PEDS1: variants seen among roughly 807,000 people sequenced by gnomAD.
PEDS1 encodes plasmanylethanolamine desaturase 1.
Under a neutral mutation model 35.2 loss-of-function variants are expected in PEDS1, and 14 were observed. That is an observed-to-expected ratio of 0.40 (90% CI 0.26 to 0.62). The LOEUF (loss-of-function observed/expected upper bound fraction) is 0.62. Ranked by LOEUF, PEDS1 falls within the 20% of genes least tolerant of loss-of-function variation. The pLI, the probability that PEDS1 is intolerant of heterozygous loss-of-function variation, is 0.44. For synonymous variants in PEDS1, 152 were observed against 152.0 expected (o/e 1.00, Z 0.00); for missense variants, 260 against 367.8 (o/e 0.71, Z 2.40).
Position 50,124,171 on chromosome 20 carries a change from A to C in PEDS1, c.*887T>G, listed in dbSNP as rs2147264157. On this transcript the variant is annotated 3_prime_UTR_variant, in exon 6 of 6. Coordinates refer to ENST00000371652, the MANE Select transcript of PEDS1 (RefSeq NM_199129.4). ...AAACACCACGAGGCAGCCAAGGTTA[A>C]GTAGACTCTTGCTGCTTTGTTATAA... 6.5e-6 allele frequency: 1 copy of C among 152,816 alleles called. No individual in the cohort carries two copies. The highest frequency in any genetic ancestry group is 2.1e-4 in the South Asian group (1 of 4,830). 9.5% of individuals were successfully genotyped at this position (152,816 alleles called of 1,614,324 possible). A position where few individuals can be genotyped will look rare whatever the true frequency, so the allele number is the denominator to read the frequency against.
At chr20:50,141,560 G>A (rs1267497517) in intron 2 of PEDS1, among the ~76,000 whole-genome samples, 2 of 152,248 alleles carry the variant, frequency 1.3e-5, no homozygotes, top group East Asian at 1.9e-4. Flanking sequence ...GAGGCTGAGA[G>A]ATGCAATGTG....
intron 1 of PEDS1, among the ~76,000 whole-genome samples, chr20:50,144,930 T>A (rs550643110): frequency 6.6e-6 from 1 of 152,120 alleles, no homozygotes; most frequent in Non-Finnish European, 1.5e-5. Context: ...GGGCCATGCA[T>A]GGTGGCTCAC....
intron 2 of PEDS1, 93 bp downstream of exon 2, chr20:50,143,409 T>C (rs1466842425): frequency 2.6e-6 from 4 of 1,527,370 alleles, no homozygotes; most frequent in Non-Finnish European, 3.5e-6. Flanking sequence ...AGCACACACA[T>C]CCATGCATGT....
At position 50,153,716 on chromosome 20, in the gene PEDS1, C is replaced by A. The variant is rs888068299; in HGVS notation, c.-79G>T. The A allele has an allele frequency of 3.5e-6, 4 of 1,132,358 alleles. No individual in the cohort carries two copies. The highest frequency in any genetic ancestry group is 4.4e-5 in the East Asian group (1 of 22,626). 70.1% of individuals were successfully genotyped at this position (1,132,358 alleles called of 1,614,324 possible). On this transcript the variant is annotated 5_prime_UTR_variant, in exon 1 of 6. Coordinates refer to ENST00000371652, the MANE Select transcript of PEDS1 (RefSeq NM_199129.4). ...CCGCGGAACCGCGGCGAGATCACGC[C>A]GCCCAATGACCGCCCAGCGCCGGGC...
At chr20:50,135,860 A>T (rs2147283788) in intron 2 of PEDS1, among the ~76,000 whole-genome samples, 1 of 152,184 alleles carries the variant, frequency 6.6e-6, no homozygotes, top group Non-Finnish European at 1.5e-5. Context: ...TACTAGTGTA[A>T]TGTTTCTAGC....
chr20:50,152,471 G>T (rs1178101382), intron 1 of PEDS1, among the ~76,000 whole-genome samples: 1 of 152,176 alleles, frequency 6.6e-6, no homozygotes, highest in Non-Finnish European at 1.5e-5. Flanking sequence ...GTTCTCAAAG[G>T]CACTTCCTTA....
intron 2 of PEDS1, among the ~76,000 whole-genome samples, chr20:50,139,175 CT>C (rs1387154121): frequency 6.6e-6 from 1 of 152,194 alleles, no homozygotes; most frequent in African/African-American, 2.4e-5. Context: ...CATCCCTGAC[CT>C]CTGGACTCAC....
At chr20:50,148,295 A>C (rs2081366998) in intron 1 of PEDS1, among the ~76,000 whole-genome samples, 1 of 152,158 alleles carries the variant, frequency 6.6e-6, no homozygotes, top group Non-Finnish European at 1.5e-5. Flanking sequence ...CACAGCATGG[A>C]TCATCAGCCT....
intron 1 of PEDS1, 26 bp downstream of exon 1, chr20:50,153,491 C>G: frequency 7.5e-7 from 1 of 1,339,748 alleles, no homozygotes. Context: ...TGACCGCAGG[C>G]CTGGAGGGGG....
chr20:50,143,882 A>G, intron 1 of PEDS1, among the ~76,000 whole-genome samples: 1 of 152,036 alleles, frequency 6.6e-6, no homozygotes, highest in East Asian at 1.9e-4. Context: ...ATTTTTTAGT[A>G]GAGATGGGGT....
chr20:50,151,532 C>G (rs145182342), intron 1 of PEDS1, among the ~76,000 whole-genome samples: 1 of 152,158 alleles, frequency 6.6e-6, no homozygotes, highest in East Asian at 1.9e-4. Context: ...AGAGGTGAGG[C>G]GGATCCCCCA....
At chr20:50,142,780 C>T (rs895440271) in intron 2 of PEDS1, among the ~76,000 whole-genome samples, 1 of 149,342 alleles carries the variant, frequency 6.7e-6, no homozygotes, top group Non-Finnish European at 1.5e-5. Flanking sequence ...GGGGCAATCA[C>T]ACCTCCTCTG....
At chr20:50,140,097 C>T (rs2081277333) in intron 2 of PEDS1, among the ~76,000 whole-genome samples, 1 of 152,226 alleles carries the variant, frequency 6.6e-6, no homozygotes, top group African/African-American at 2.4e-5. Context: ...TCATCCCTTC[C>T]ATCTCTCAAG....
At chr20:50,127,859 G>C in intron 5 of PEDS1, 116 bp downstream of exon 5, 1 of 1,397,658 alleles carries the variant, frequency 7.2e-7, no homozygotes, top group South Asian at 1.4e-5. Flanking sequence ...CTGAGAGACT[G>C]TTCCCAGAGG....
Position 50,123,687 on chromosome 20 carries a change from A to ACCACCCTGCCAAAGCAGCAC in PEDS1, c.*1351_*1370dup, listed in dbSNP as rs1382936713. On this transcript the variant is annotated 3_prime_UTR_variant, in exon 6 of 6. Coordinates refer to ENST00000371652, the MANE Select transcript of PEDS1 (RefSeq NM_199129.4). The stretch of plus-strand genomic sequence containing the variant: ...GGTCTCAGCTCAGAGGCCCTTCATG[A>ACCACCCTGCCAAAGCAGCAC]CCACCCTGCCAAAGCAGCACCGACC... 1.3e-5 allele frequency: 2 copies of ACCACCCTGCCAAAGCAGCAC among 152,048 alleles called. No homozygotes were observed. Among genetic ancestry groups the ACCACCCTGCCAAAGCAGCAC allele is most frequent in the African/African-American group, 4.8e-5 (2 of 41,364 alleles). The allele number at this position is 152,048 out of a possible 1,614,324, so 9.4% of individuals were successfully genotyped here.
rs1243349197 is a variant in PEDS1 at position 50,118,462 on chromosome 20, C to T, written c.*6596G>A. On this transcript the variant is annotated 3_prime_UTR_variant, in exon 6 of 6. Transcript: ENST00000371652. ...GTAAGTGGCAGAACTGGGATTTGAA[C>T]CCTACACTCTTAACCAATGCTACCC... is the stretch of plus-strand genomic sequence containing the variant. 1 of 152,104 alleles carries T rather than the reference C, an allele frequency of 6.6e-6. No homozygotes were observed. Among genetic ancestry groups the T allele is most frequent in the African/African-American group, 2.4e-5 (1 of 41,408 alleles). The allele number at this position is 152,104 out of a possible 1,614,324, so 9.4% of individuals were successfully genotyped here.
At chr20:50,136,102 A>ATTTT (rs1176857694) in intron 2 of PEDS1, among the ~76,000 whole-genome samples, 1 of 152,072 alleles carries the variant, frequency 6.6e-6, no homozygotes, top group Non-Finnish European at 1.5e-5. Flanking sequence ...TTTTTTTAAA[A>ATTTT]AAAAAAACCT....
At chr20:50,134,504 G>A (rs1012531476) in intron 2 of PEDS1, among the ~76,000 whole-genome samples, 4 of 152,204 alleles carry the variant, frequency 2.6e-5, no homozygotes, top group Middle Eastern at 3.4e-3. Context: ...CCGAGATTTC[G>A]CCATTGCACT....
At chr20:50,133,938 C>G (rs1209685048) in intron 2 of PEDS1, among the ~76,000 whole-genome samples, 1 of 152,224 alleles carries the variant, frequency 6.6e-6, no homozygotes, top group African/African-American at 2.4e-5. Flanking sequence ...AACCAGCACC[C>G]TTTTGTGTCC....
Sources: allele counts gnomAD v4.1 joint callset (sites outside exome capture counted in the v4.1 genomes callset), GRCh38; gene constraint gnomAD v4.1.1; transcripts MANE v1.5; gene names NCBI Gene and HGNC (gene_info 2026-07-23, HGNC 2026-07-21).